MTSS1: variants seen among roughly 807,000 people sequenced by gnomAD.
MTSS1 encodes MTSS I-BAR domain containing 1.
Under a neutral mutation model 79.0 loss-of-function variants are expected in MTSS1, and 18 were observed. The observed-to-expected ratio is 0.23, with a 90% CI of 0.16 to 0.34. The LOEUF (loss-of-function observed/expected upper bound fraction) is 0.34, where lower values mean the gene tolerates loss of function less well. Among genes scored for constraint, MTSS1 ranks in the 10% least tolerant of loss-of-function variants. MTSS1 has a pLI of 1.00. For synonymous variants in MTSS1, 341 were observed against 368.6 expected (o/e 0.93, Z 0.86); for missense variants, 815 against 986.2 (o/e 0.83, Z 2.33).
chr8:124,648,716 C>CCCA (rs1819428130), intron 3 of MTSS1, among the ~76,000 whole-genome samples: 2 of 151,728 alleles, frequency 1.3e-5, no homozygotes, highest in African/African-American at 2.4e-5. Flanking sequence ...GCAGCCCCCC[C>CCCA]CCAGATACTG....
intron 7 of MTSS1, among the ~76,000 whole-genome samples, chr8:124,567,424 T>A (rs748415794): frequency 7.2e-5 from 11 of 152,218 alleles, no homozygotes; most frequent in Non-Finnish European, 1.6e-4. Context: ...CACACAGGCC[T>A]CCCTCCCAGG....
chr8:124,605,085 C>T (rs962081784), intron 3 of MTSS1, among the ~76,000 whole-genome samples: 15 of 152,178 alleles, frequency 9.9e-5, no homozygotes, highest in African/African-American at 2.9e-4. Context: ...TCCCTGTCTA[C>T]GTTTTGGATG....
chr8:124,651,608 C>A (rs1259349172), intron 3 of MTSS1, among the ~76,000 whole-genome samples: 3 of 152,156 alleles, frequency 2.0e-5, no homozygotes, highest in Non-Finnish European at 2.9e-5. Flanking sequence ...AGATAAAGAG[C>A]TATGTGAAAG....
intron 5 of MTSS1, among the ~76,000 whole-genome samples, chr8:124,585,573 C>T (rs1004040317): frequency 1.3e-5 from 2 of 152,012 alleles, no homozygotes; most frequent in African/African-American, 4.8e-5. Context: ...CACCACCACG[C>T]CCAGCTAATT....
intron 3 of MTSS1, among the ~76,000 whole-genome samples, chr8:124,671,424 C>A (rs1824193585): frequency 6.6e-6 from 1 of 152,168 alleles, no homozygotes; most frequent in Non-Finnish European, 1.5e-5. Flanking sequence ...TTGCCAAGTC[C>A]TCAAGGGCCA....
chr8:124,664,969 A>T (rs554127811), intron 3 of MTSS1, among the ~76,000 whole-genome samples: 3 of 152,326 alleles, frequency 2.0e-5, no homozygotes, highest in Admixed American at 6.5e-5. Flanking sequence ...TTTAGTTGGC[A>T]GGATTTTTTT....
rs77728698 is a variant in MTSS1, at chr8:124,625,422, C to T, written c.209-34187G>A. ...CCTATCAAAATAATTCTGGCTCATT[C>T]GTGAAGGCAGAATTACAGTCCAGGG... On this transcript the variant is annotated intron_variant, in intron 3 of 13. Coordinates refer to ENST00000518547, the MANE Select transcript of MTSS1 (RefSeq NM_014751.6). Among the ~76,000 whole-genome samples, 400 of 152,298 alleles carry T rather than the reference C, an allele frequency of 2.6e-3. 8 individuals carry two copies. In the East Asian group the frequency reaches 0.062, roughly 23 times the overall value.
At chr8:124,622,485 GAAAA>G (rs74650146) in intron 3 of MTSS1, among the ~76,000 whole-genome samples, 112 of 99,522 alleles carry the variant, frequency 1.1e-3, no homozygotes, top group African/African-American at 3.2e-3. Flanking sequence ...TTGCCATATT[GAAAA>G]AAAAAAAAAA....
At chr8:124,581,048 T>C (rs1022547931) in intron 6 of MTSS1, among the ~76,000 whole-genome samples, 1 of 152,248 alleles carries the variant, frequency 6.6e-6, no homozygotes, top group Admixed American at 6.5e-5. Context: ...TGAGTCTGTT[T>C]ATTACATTTA....
At chr8:124,557,333 C>G (rs777277095) in intron 11 of MTSS1, among the ~76,000 whole-genome samples, 3 of 152,166 alleles carry the variant, frequency 2.0e-5, no homozygotes, top group Admixed American at 2.0e-4. Context: ...AGGTGGCCCC[C>G]GGGAGGGACC....
intron 3 of MTSS1, among the ~76,000 whole-genome samples, chr8:124,645,426 A>G (rs1011543780): frequency 2.6e-5 from 4 of 152,150 alleles, no homozygotes; most frequent in African/African-American, 9.7e-5. Context: ...GTGTAGAAGA[A>G]AATATAAGGC....
chr8:124,691,025 A>G (rs932470411), intron 3 of MTSS1, among the ~76,000 whole-genome samples: 5 of 152,316 alleles, frequency 3.3e-5, no homozygotes, highest in Admixed American at 3.3e-4. Flanking sequence ...CCAAACAATG[A>G]CAGCTTTAAA....
At chr8:124,633,778 A>C (rs1289412255) in intron 3 of MTSS1, among the ~76,000 whole-genome samples, 1 of 151,822 alleles carries the variant, frequency 6.6e-6, no homozygotes, top group African/African-American at 2.4e-5. Context: ...TCTCAAAAAA[A>C]AAAAAACCAA....
At chr8:124,571,313 T>A (rs1827720648) in intron 6 of MTSS1, among the ~76,000 whole-genome samples, 1 of 152,230 alleles carries the variant, frequency 6.6e-6, no homozygotes, top group Admixed American at 6.5e-5. Flanking sequence ...TTTAAAATGC[T>A]GGCTAGTGCA....
intron 3 of MTSS1, among the ~76,000 whole-genome samples, chr8:124,631,729 A>G (rs1815991404): frequency 6.6e-6 from 1 of 152,214 alleles, no homozygotes; most frequent in South Asian, 2.1e-4. Context: ...TGCTTTTAGC[A>G]CCACTGCTTA....
chr8:124,659,387 G>C (rs780467416), intron 3 of MTSS1, among the ~76,000 whole-genome samples: 2 of 152,042 alleles, frequency 1.3e-5, no homozygotes, highest in African/African-American at 4.8e-5. Flanking sequence ...TGCATCTCGG[G>C]AATCATGTGT....
chr8:124,571,404 T>C (rs1377227343), intron 6 of MTSS1, among the ~76,000 whole-genome samples: 1 of 152,182 alleles, frequency 6.6e-6, no homozygotes, highest in Non-Finnish European at 1.5e-5. Context: ...AACCCTTGCT[T>C]TTCCTCTGCA....
chr8:124,699,975 C>A (rs1205326646), intron 2 of MTSS1, among the ~76,000 whole-genome samples: 3 of 151,930 alleles, frequency 2.0e-5, no homozygotes, highest in Non-Finnish European at 4.4e-5. Context: ...GGTGAAACCC[C>A]GTGTCTACAA....
At chr8:124,704,239 G>A in intron 1 of MTSS1, 48 bp from the exon 2 acceptor site, 1 of 1,503,054 alleles carries the variant, frequency 6.7e-7, no homozygotes. Context: ...ATAGACATCT[G>A]ATTACTACAT....
Sources: gnomAD v4.1 joint callset for allele counts (sites outside exome capture counted in the v4.1 genomes callset) on GRCh38, gnomAD v4.1.1 for gene constraint, MANE v1.5 for transcripts, NCBI Gene and HGNC (gene_info 2026-07-23, HGNC 2026-07-21) for gene names.